Variants in FER1L6 observed in about 807,000 individuals in gnomAD.
FER1L6 encodes the protein fer-1-like protein 6.
Under a neutral mutation model 219.2 loss-of-function variants are expected in FER1L6, and 177 were observed. That is an observed-to-expected ratio of 0.81 (90% CI 0.71 to 0.91). FER1L6 has a LOEUF of 0.91. Ranked by LOEUF, FER1L6 falls within the 40% of genes least tolerant of loss-of-function variation. FER1L6 has a pLI of 0.00. For synonymous variants in FER1L6, 768 were observed against 824.3 expected, an observed-to-expected ratio of 0.93 and a Z score of 1.17; for missense variants, 2,153 against 2,259.9, an observed-to-expected ratio of 0.95 and a Z score of 0.96.
chr8:124,064,253 G>T, intron 25 of FER1L6, 94 bp from the exon 26 acceptor site: 3 of 956,506 alleles, frequency 3.1e-6, no homozygotes, highest in Admixed American at 2.2e-5. Flanking sequence ...TGACGTATTT[G>T]AATCCGAATC....
intron 18 of FER1L6, among the ~76,000 whole-genome samples, chr8:124,024,178 G>A (rs1037826917): frequency 2.0e-5 from 3 of 151,192 alleles, no homozygotes; most frequent in Non-Finnish European, 2.9e-5. Context: ...TTACAAGCGT[G>A]AGCCACCGTA....
intron 39 of FER1L6, among the ~76,000 whole-genome samples, chr8:124,103,840 A>G (rs1488297548): frequency 6.6e-6 from 1 of 152,170 alleles, no homozygotes; most frequent in Non-Finnish European, 1.5e-5. Context: ...ATCCTCTGTA[A>G]GCCAGCAGGG....
At chr8:123,958,608 C>T (rs10956157) in intron 2 of FER1L6, among the ~76,000 whole-genome samples, 50,788 of 151,786 alleles carry the variant, frequency 0.33, 8,926 homozygotes, top group Non-Finnish European at 0.4. Flanking sequence ...AAAACGTCCT[C>T]AAATCACCTT....
chr8:123,875,899 G>T (rs190683361), intron 1 of FER1L6, among the ~76,000 whole-genome samples: 45 of 152,202 alleles, frequency 3.0e-4, no homozygotes, highest in African/African-American at 9.9e-4. Flanking sequence ...CTACCATTCT[G>T]CCCCAAGCCA....
At chr8:123,989,585 C>A (rs981663763) in intron 12 of FER1L6, among the ~76,000 whole-genome samples, 2 of 152,090 alleles carry the variant, frequency 1.3e-5, no homozygotes, top group Non-Finnish European at 1.5e-5. Flanking sequence ...TTCTGAGTCT[C>A]CAAAGTCCAT....
chr8:123,986,019 A>G, intron 11 of FER1L6, 49 bp from the exon 12 acceptor site: 2 of 1,045,174 alleles, frequency 1.9e-6, no homozygotes, highest in Non-Finnish European at 3.0e-6. Context: ...CAGCTTCCTA[A>G]TGAGAGAAAA....
intron 1 of FER1L6, among the ~76,000 whole-genome samples, chr8:123,929,239 C>T (rs1042269737): frequency 6.6e-6 from 1 of 152,224 alleles, no homozygotes; most frequent in South Asian, 2.1e-4. Context: ...GCCCCATGCA[C>T]ATGCATGAGA....
rs182513856 is a variant in FER1L6, at chr8:123,876,636, A to C, written c.-8+24451A>C. 5.5e-4 allele frequency among the ~76,000 whole-genome samples: 83 copies of C among 152,244 alleles called. 1 individual carries two copies. Among genetic ancestry groups the C allele is most frequent in the African/African-American group, 1.9e-3 (79 of 41,542 alleles). On this transcript the variant is annotated intron_variant, in intron 1 of 40. Transcript: ENST00000522917. ...CCACTGTGCCCAGCTTATGTTTTCA[A>C]ATAGTTCTTCCTTAACCACCTTACA...
At chr8:123,913,538 G>A (rs1167492486) in intron 1 of FER1L6, among the ~76,000 whole-genome samples, 3 of 152,046 alleles carry the variant, frequency 2.0e-5, no homozygotes, top group African/African-American at 7.2e-5. Context: ...CTGTTTATTA[G>A]CCATGTGATT....
intron 3 of FER1L6, among the ~76,000 whole-genome samples, chr8:123,964,927 A>T (rs949830919): frequency 5.3e-5 from 8 of 152,160 alleles, no homozygotes; most frequent in African/African-American, 1.4e-4. Context: ...TCTCCCATGG[A>T]TGATAGATTG....
chr8:124,119,416 C>T (rs1461965156), intron 40 of FER1L6, among the ~76,000 whole-genome samples, 191 bp from the exon 41 acceptor site: 1 of 152,108 alleles, frequency 6.6e-6, no homozygotes, highest in Non-Finnish European at 1.5e-5. Flanking sequence ...CAACCTTTAA[C>T]CATGATACAG....
At chr8:124,000,708 C>A (rs1483247957) in intron 12 of FER1L6, among the ~76,000 whole-genome samples, 3 of 152,134 alleles carry the variant, frequency 2.0e-5, no homozygotes, top group Admixed American at 6.5e-5. Context: ...GGCTATTATG[C>A]AACTGGGAAA....
chr8:124,106,082 T>C (rs369081958), intron 39 of FER1L6, among the ~76,000 whole-genome samples: 66 of 152,264 alleles, frequency 4.3e-4, no homozygotes, highest in South Asian at 3.7e-3. Flanking sequence ...ATAGTGGCGA[T>C]GCCAGTACAA....
chr8:123,959,837 G>C (rs1319052767), intron 2 of FER1L6, among the ~76,000 whole-genome samples: 1 of 152,178 alleles, frequency 6.6e-6, no homozygotes, highest in East Asian at 1.9e-4. Context: ...ACATAAAACA[G>C]TGTGATATAA....
chr8:123,996,272 T>C (rs988988821), intron 12 of FER1L6, among the ~76,000 whole-genome samples: 1 of 152,208 alleles, frequency 6.6e-6, no homozygotes, highest in African/African-American at 2.4e-5. Flanking sequence ...CCAGCTATTA[T>C]TGTGTTGCGG....
intron 16 of FER1L6, among the ~76,000 whole-genome samples, chr8:124,018,531 A>T (rs924837380): frequency 6.6e-6 from 1 of 152,054 alleles, no homozygotes; most frequent in African/African-American, 2.4e-5. Flanking sequence ...CATCAATAAG[A>T]CCTTCTTCCT....
In FER1L6 at chr8:123,966,140, A is replaced by T. The variant is rs747053480; in HGVS notation, c.253-19A>T. The T allele has an allele frequency of 6.2e-7, 1 of 1,613,828 alleles. No homozygotes were observed. Among genetic ancestry groups the T allele is most frequent in the African/African-American group, 1.3e-5 (1 of 74,902 alleles). On this transcript the variant is annotated intron_variant, in intron 4 of 40. Coordinates refer to ENST00000522917, the MANE Select transcript of FER1L6 (RefSeq NM_001039112.2). ...GATGGCGGTGTCCGGAATGGTGTCC[A>T]CACTGCTTTGTGTTGCAGATTGCCA...
chr8:123,971,666 A>C (rs1815820944), intron 6 of FER1L6, among the ~76,000 whole-genome samples: 1 of 152,234 alleles, frequency 6.6e-6, no homozygotes. Context: ...TGAGAGGGGA[A>C]TGTTTAACAC....
chr8:124,085,661 T>C (rs578031521), intron 33 of FER1L6, among the ~76,000 whole-genome samples: 1 of 152,310 alleles, frequency 6.6e-6, no homozygotes, highest in East Asian at 1.9e-4. Context: ...TCTTTGAGAA[T>C]GTTCCATGTG....
Sources: gnomAD v4.1 joint callset for allele counts (sites outside exome capture counted in the v4.1 genomes callset) on GRCh38, gnomAD v4.1.1 for gene constraint, MANE v1.5 for transcripts, NCBI Gene and HGNC (gene_info 2026-07-23, HGNC 2026-07-21) for gene names.